The following KHDRBS2 variants were observed in gnomAD, a reference collection of about 807,000 sequenced individuals.
The protein encoded by KHDRBS2 is KH RNA binding domain containing, signal transduction associated 2, also known as KH domain-containing, RNA-binding, signal transduction-associated protein 2.
A neutral mutation model predicts 44.3 loss-of-function variants in KHDRBS2; 26 were observed. The ratio of observed to expected loss-of-function variants is 0.59; its 90% CI spans 0.43 to 0.81. KHDRBS2 has a LOEUF of 0.81. Ranked by LOEUF, KHDRBS2 falls within the 40% of genes least tolerant of loss-of-function variation. The probability of loss-of-function intolerance (pLI) is 0.00; values close to 1 mark genes in which losing one functional copy is unlikely to be tolerated. For missense variants in KHDRBS2, 476 were observed against 433.1 expected, an observed-to-expected ratio of 1.10 and a Z score of -0.88; for synonymous variants, 194 against 151.1, an observed-to-expected ratio of 1.28 and a Z score of -2.08.
intron 2 of KHDRBS2, among the ~76,000 whole-genome samples, chr6:62,052,846 C>A (rs1010708213): frequency 1.3e-5 from 2 of 151,968 alleles, no homozygotes; most frequent in East Asian, 2.0e-4. Flanking sequence ...TGACCTCCTG[C>A]TATGCGGCCT....
At chr6:62,262,492 C>T (rs911291370) in intron 1 of KHDRBS2, among the ~76,000 whole-genome samples, 1 of 151,700 alleles carries the variant, frequency 6.6e-6, no homozygotes, top group Non-Finnish European at 1.5e-5. Flanking sequence ...AAATCAAATA[C>T]TCATATTAAT....
chr6:62,134,302 C>T (rs1473250834), intron 2 of KHDRBS2, among the ~76,000 whole-genome samples: 3 of 152,074 alleles, frequency 2.0e-5, no homozygotes, highest in Non-Finnish European at 2.9e-5. Context: ...TCAGAGGGTG[C>T]CAAGTCTTGG....
chr6:61,557,078 A>T, the KHDRBS2 span, among the ~76,000 whole-genome samples: 1 of 152,068 alleles, frequency 6.6e-6, no homozygotes, highest in Non-Finnish European at 1.5e-5. Context: ...TGGTAAAAAT[A>T]CTTTTGCCCT....
intron 2 of KHDRBS2, among the ~76,000 whole-genome samples, chr6:62,135,795 T>C (rs1201924196): frequency 1.3e-5 from 2 of 152,068 alleles, no homozygotes; most frequent in Non-Finnish European, 2.9e-5. Flanking sequence ...GAGGATATTA[T>C]GCTAAGTAAA....
At chr6:61,951,929 C>A (rs1394925932) in intron 4 of KHDRBS2, among the ~76,000 whole-genome samples, 1 of 151,834 alleles carries the variant, frequency 6.6e-6, no homozygotes, top group Non-Finnish European at 1.5e-5. Flanking sequence ...TTCAGTTAAA[C>A]ATTATCTGTA....
chr6:61,697,871 T>C (rs1483811818), intron 7 of KHDRBS2, among the ~76,000 whole-genome samples: 1 of 152,180 alleles, frequency 6.6e-6, no homozygotes, highest in Non-Finnish European at 1.5e-5. Context: ...CACTGTTTCC[T>C]GCTGCATCCA....
At chr6:61,938,191 G>C (rs935915804) in intron 4 of KHDRBS2, among the ~76,000 whole-genome samples, 2 of 152,112 alleles carry the variant, frequency 1.3e-5, no homozygotes, top group South Asian at 4.1e-4. Flanking sequence ...CTAAATGAGA[G>C]AAAACACATT....
intron 1 of KHDRBS2, among the ~76,000 whole-genome samples, chr6:62,260,435 G>A (rs1838152631): frequency 6.6e-6 from 1 of 151,992 alleles, no homozygotes; most frequent in South Asian, 2.1e-4. Context: ...TGTGTGTTTA[G>A]ACTAAATGGA....
intron 2 of KHDRBS2, among the ~76,000 whole-genome samples, chr6:62,114,653 CT>C (rs1222176984): frequency 6.6e-6 from 1 of 152,056 alleles, no homozygotes; most frequent in Non-Finnish European, 1.5e-5. Context: ...TATGCGTTAT[CT>C]TTCACTAAGT....
intron 6 of KHDRBS2, among the ~76,000 whole-genome samples, chr6:61,775,123 G>A (rs937248316): frequency 5.3e-5 from 8 of 152,036 alleles, no homozygotes; most frequent in Non-Finnish European, 1.0e-4. Flanking sequence ...AATAAATTAG[G>A]TATGGATGGG....
At chr6:62,161,573 CGGG>C (rs3035515) in intron 2 of KHDRBS2, among the ~76,000 whole-genome samples, 9 of 33,342 alleles carry the variant, frequency 2.7e-4, no homozygotes, top group African/African-American at 4.0e-4. Context: ...TTGGTATTTG[CGGG>C]GGGGGGGGGG....
intron 2 of KHDRBS2, among the ~76,000 whole-genome samples, chr6:62,073,791 C>G (rs1460068818): frequency 6.6e-6 from 1 of 151,606 alleles, no homozygotes; most frequent in African/African-American, 2.4e-5. Flanking sequence ...CTCTCAGCCT[C>G]CTCCTAATAG....
At chr6:62,106,820 A>G (rs1189158515) in intron 2 of KHDRBS2, among the ~76,000 whole-genome samples, 5 of 152,122 alleles carry the variant, frequency 3.3e-5, no homozygotes, top group Non-Finnish European at 5.9e-5. Context: ...TCCAGCATAT[A>G]AACAGAACCA....
intron 6 of KHDRBS2, among the ~76,000 whole-genome samples, chr6:61,799,407 T>C (rs1375323254): frequency 1.3e-5 from 2 of 152,012 alleles, no homozygotes; most frequent in Non-Finnish European, 2.9e-5. Flanking sequence ...TAGTTCATGA[T>C]TTTGTTAATA....
At chr6:62,123,723 T>G (rs1808268534) in intron 2 of KHDRBS2, among the ~76,000 whole-genome samples, 3 of 152,238 alleles carry the variant, frequency 2.0e-5, no homozygotes, top group Admixed American at 6.5e-5. Context: ...TTATCACTGA[T>G]AATGCCACTC....
chr6:62,253,330 G>C (rs1027541766), intron 1 of KHDRBS2, among the ~76,000 whole-genome samples: 2 of 151,776 alleles, frequency 1.3e-5, no homozygotes, highest in Admixed American at 1.3e-4. Flanking sequence ...ATCCATATTC[G>C]CACAAAATTA....
chr6:62,261,034 T>C (rs1439294980), intron 1 of KHDRBS2, among the ~76,000 whole-genome samples: 1 of 151,904 alleles, frequency 6.6e-6, no homozygotes, highest in Non-Finnish European at 1.5e-5. Flanking sequence ...ATATTTCTTT[T>C]AGACTACCAA....
chr6:61,731,662 G>A (rs1459877807), intron 7 of KHDRBS2, among the ~76,000 whole-genome samples: 1 of 152,026 alleles, frequency 6.6e-6, no homozygotes, highest in African/African-American at 2.4e-5. Flanking sequence ...AGTTGGTCAA[G>A]AAATGATCAA....
intron 1 of KHDRBS2, among the ~76,000 whole-genome samples, chr6:62,255,234 T>C (rs1375527625): frequency 3.3e-5 from 5 of 152,094 alleles, no homozygotes; most frequent in African/African-American, 1.2e-4. Context: ...GCTACTTTTT[T>C]AGGGTAGCCT....
Sources: gnomAD v4.1 joint callset for allele counts (sites outside exome capture counted in the v4.1 genomes callset) on GRCh38, gnomAD v4.1.1 for gene constraint, MANE v1.5 for transcripts, NCBI Gene and HGNC (gene_info 2026-07-23, HGNC 2026-07-21) for gene names.